OLFML2A: variants seen among roughly 807,000 people sequenced by gnomAD.
The protein encoded by OLFML2A is olfactomedin like 2A.
In OLFML2A, 47 loss-of-function variants were observed where a neutral mutation model predicts 60.9. The observed-to-expected ratio is 0.77, with a 90% CI of 0.61 to 0.98. The LOEUF (loss-of-function observed/expected upper bound fraction) is 0.98, where lower values mean the gene tolerates loss of function less well. Among genes scored for constraint, OLFML2A ranks in the 50% least tolerant of loss-of-function variants. The probability of loss-of-function intolerance (pLI) is 0.00; values close to 1 mark genes in which losing one functional copy is unlikely to be tolerated. For synonymous variants in OLFML2A, 372 were observed against 375.0 expected (o/e 0.99, Z 0.09); for missense variants, 922 against 879.8 (o/e 1.05, Z -0.61).
chr9:124,789,997 A>G (rs930986582), intron 2 of OLFML2A, among the ~76,000 whole-genome samples: 4 of 152,232 alleles, frequency 2.6e-5, no homozygotes, highest in Non-Finnish European at 5.9e-5. Context: ...CATGTTTGAC[A>G]TGAGGACACA....
At chr9:124,781,829 G>C (rs1564280497) in intron 1 of OLFML2A, among the ~76,000 whole-genome samples, 1 of 150,930 alleles carries the variant, frequency 6.6e-6, no homozygotes, top group Non-Finnish European at 1.5e-5. Context: ...AGTCTATTCA[G>C]TTGCTGGAAC....
At chr9:124,799,066 A>G (rs1401080305) in intron 3 of OLFML2A, among the ~76,000 whole-genome samples, 1 of 152,162 alleles carries the variant, frequency 6.6e-6, no homozygotes, top group African/African-American at 2.4e-5. Context: ...CACATGTATT[A>G]TCTATTTTTT....
At chr9:124,807,259 A>G (rs1304235683) in intron 6 of OLFML2A, among the ~76,000 whole-genome samples, 1 of 150,470 alleles carries the variant, frequency 6.6e-6, no homozygotes. Context: ...TATAATGAAT[A>G]ATATAACTTT....
In OLFML2A at chr9:124,813,713, A is replaced by G. The variant is rs1842064203; in HGVS notation, c.*3301A>G. 2 of 152,234 alleles carry G rather than the reference A, an allele frequency of 1.3e-5. No individual in the cohort carries two copies. Among genetic ancestry groups the G allele is most frequent in the Non-Finnish European group, 1.5e-5 (1 of 68,044 alleles). The allele number at this position is 152,234 out of a possible 1,614,324, so 9.4% of individuals were successfully genotyped here. A position where few individuals can be genotyped will look rare whatever the true frequency, so the allele number is the denominator to read the frequency against. On this transcript the variant is annotated 3_prime_UTR_variant, in exon 8 of 8. Transcript: ENST00000373580. ...AGTCATATTTAGAACAAAGTCAAGT[A>G]TAAATTTACAGAGAAAAAATTCTAA...
rs1389846870 is a variant in OLFML2A, at chr9:124,799,371, T to C, written c.549T>C (p.Asn183=). ...GTGAGCAGTTGAGGCACTATGAGAA[T>C]CACTCTGCCATCATGCTGGGCATCA... ...HLSEQLRHYE[N]HSAIMLGIKK... The change falls in exon 4 of 8, where the codon AAT becomes AAC. Residue 183 remains asparagine (N), a synonymous_variant. Coordinates refer to ENST00000373580, the MANE Select transcript of OLFML2A (RefSeq NM_182487.4). 1.2e-6 allele frequency: 2 copies of C among 1,613,762 alleles called. No homozygotes were observed. Among genetic ancestry groups the C allele is most frequent in the Admixed American group, 3.3e-5 (2 of 60,004 alleles).
In OLFML2A at chr9:124,810,689, G is replaced by A. The variant is rs915911647; in HGVS notation, c.*277G>A. The A allele has an allele frequency of 2.9e-5, 14 of 477,332 alleles. No homozygotes were observed. Among genetic ancestry groups the A allele is most frequent in the African/African-American group, 1.2e-4 (6 of 51,608 alleles). 29.6% of individuals were successfully genotyped at this position (477,332 alleles called of 1,614,324 possible). A position where few individuals can be genotyped will look rare whatever the true frequency, so the allele number is the denominator to read the frequency against. On this transcript the variant is annotated 3_prime_UTR_variant, in exon 8 of 8. Transcript: ENST00000373580. ...GAGATCATGAACCCATTTAACAGACGAGGAGACAGGCTCAGAGAGGCACCG... is the reference window on the plus strand; with the variant it reads ...GAGATCATGAACCCATTTAACAGACAAGGAGACAGGCTCAGAGAGGCACCG...
chr9:124,804,752 A>C (rs1841857262), intron 6 of OLFML2A, among the ~76,000 whole-genome samples: 1 of 151,502 alleles, frequency 6.6e-6, no homozygotes, highest in Non-Finnish European at 1.5e-5. Context: ...TCTGTCACCC[A>C]GGCTGCAGTG....
At chr9:124,778,911 T>A in intron 1 of OLFML2A, 5 of 982,384 alleles carry the variant, frequency 5.1e-6, no homozygotes, top group Non-Finnish European at 6.0e-6. Context: ...CCAATACCTC[T>A]CCAGCCTCTT....
rs1374993633 is a variant in OLFML2A, at chr9:124,813,190, C to T, written c.*2778C>T. The T allele has an allele frequency of 2.6e-5, 4 of 152,210 alleles. No homozygotes were observed. Among genetic ancestry groups the T allele is most frequent in the Non-Finnish European group, 5.9e-5 (4 of 68,092 alleles). 9.4% of individuals were successfully genotyped at this position (152,210 alleles called of 1,614,324 possible). Reference sequence around the variant, plus strand: ...TCTCAAACTCCTGACCTCAGGTGATCCACCTGCCTCAGCCTCCCAGACTGT... The same window carrying T: ...TCTCAAACTCCTGACCTCAGGTGATTCACCTGCCTCAGCCTCCCAGACTGT... On this transcript the variant is annotated 3_prime_UTR_variant, in exon 8 of 8. Coordinates refer to ENST00000373580, the MANE Select transcript of OLFML2A (RefSeq NM_182487.4).
intron 5 of OLFML2A, among the ~76,000 whole-genome samples, chr9:124,803,511 G>A (rs760498286): frequency 3.3e-5 from 5 of 151,062 alleles, no homozygotes; most frequent in Non-Finnish European, 7.4e-5. Context: ...GCGATCTGCC[G>A]GCCTCAGCCT....
chr9:124,810,803 C>G lies in OLFML2A; in HGVS notation c.*391C>G. 6.4e-6 allele frequency: 1 copy of G among 156,780 alleles called. No individual in the cohort carries two copies. 9.7% of individuals were successfully genotyped at this position (156,780 alleles called of 1,614,324 possible). On this transcript the variant is annotated 3_prime_UTR_variant, in exon 8 of 8. Coordinates refer to ENST00000373580, the MANE Select transcript of OLFML2A (RefSeq NM_182487.4). ...GGATGAGGAGACTTCACCACGCCCTCCCCTCCCTGCCCTCCCCCATCTCCC... is the reference window on the plus strand; with the variant it reads ...GGATGAGGAGACTTCACCACGCCCTGCCCTCCCTGCCCTCCCCCATCTCCC...
At chr9:124,782,973 G>A (rs1321237422) in intron 1 of OLFML2A, among the ~76,000 whole-genome samples, 1 of 152,064 alleles carries the variant, frequency 6.6e-6, no homozygotes, top group Non-Finnish European at 1.5e-5. Context: ...GGGGACCCAG[G>A]AGTCTTGAAG....
chr9:124,779,059 T>A lies in OLFML2A; in HGVS notation c.90+1699T>A. 1 of 478,398 alleles carries A rather than the reference T, an allele frequency of 2.1e-6. No homozygotes were observed. The highest frequency in any genetic ancestry group is 2.7e-6 in the Non-Finnish European group (1 of 366,644). 29.6% of individuals were successfully genotyped at this position (478,398 alleles called of 1,614,324 possible). Reference sequence around the variant, plus strand: ...AGCTCAGGGCATGAAAGCACCCACGTACAACGCTGCTCATGTACTCCAGAG... The same window carrying A: ...AGCTCAGGGCATGAAAGCACCCACGAACAACGCTGCTCATGTACTCCAGAG... On this transcript the variant is annotated intron_variant, in intron 1 of 7. Transcript: ENST00000373580. The surrounding 1 kb of genome is among the most constrained non-coding windows in gnomAD (Gnocchi z 4.1).
intron 1 of OLFML2A, among the ~76,000 whole-genome samples, chr9:124,780,468 C>T (rs986592760): frequency 8.5e-5 from 13 of 152,114 alleles, no homozygotes; most frequent in Non-Finnish European, 4.4e-5. Context: ...AGCAGGCAGG[C>T]GGTGGTGTCC....
Position 124,814,225 on chromosome 9 carries a change from C to T in OLFML2A, c.*3813C>T, listed in dbSNP as rs1281318804. On this transcript the variant is annotated 3_prime_UTR_variant, in exon 8 of 8. Transcript: ENST00000373580. ...CCCATGTGTTCCAAAGCGTCTTTAA[C>T]TCTGGGATAGCATTGGAAGCCGCTG... 1.3e-5 allele frequency: 2 copies of T among 152,252 alleles called. No homozygotes were observed. Among genetic ancestry groups the T allele is most frequent in the Non-Finnish European group, 2.9e-5 (2 of 68,078 alleles). The allele number at this position is 152,252 out of a possible 1,614,324, so 9.4% of individuals were successfully genotyped here.
At chr9:124,796,476 G>T (rs1841673055) in intron 3 of OLFML2A, among the ~76,000 whole-genome samples, 1 of 152,220 alleles carries the variant, frequency 6.6e-6, no homozygotes, top group Admixed American at 6.5e-5. Context: ...ACCAGAGATG[G>T]TTTCCACAGC....
chr9:124,801,296 T>G (rs1841769465), intron 4 of OLFML2A, 118 bp from the exon 5 acceptor site: 1 of 1,114,764 alleles, frequency 9.0e-7, no homozygotes, highest in African/African-American at 1.6e-5. Context: ...TGTGAGTGCT[T>G]GGGACATAGG....
intron 6 of OLFML2A, among the ~76,000 whole-genome samples, chr9:124,806,101 A>C (rs1841892775): frequency 6.6e-6 from 1 of 151,456 alleles, no homozygotes; most frequent in South Asian, 2.1e-4. Flanking sequence ...AACAGAAGAA[A>C]ATTTTTCTCT....
rs139972524 is a variant in OLFML2A at position 124,783,483 on chromosome 9, T to G, written c.91-3492T>G. On this transcript the variant is annotated intron_variant, in intron 1 of 7. Transcript: ENST00000373580. The stretch of plus-strand genomic sequence containing the variant: ...CTCAAAATAATATTAATGATAATAA[T>G]AAGAAGAATACTTCACACTTAAGAT... Among the ~76,000 whole-genome samples, 502 of 152,222 alleles carry G rather than the reference T, an allele frequency of 3.3e-3. 4 individuals carry two copies. The highest frequency in any genetic ancestry group is 0.012 in the African/African-American group (481 of 41,526).
Sources: allele counts gnomAD v4.1 joint callset (sites outside exome capture counted in the v4.1 genomes callset), GRCh38; gene constraint gnomAD v4.1.1; non-coding constraint Gnocchi (gnomAD v3.1); transcripts MANE v1.5; gene names NCBI Gene and HGNC (gene_info 2026-07-23, HGNC 2026-07-21).